The following FAM13A variants were observed in gnomAD, a reference collection of about 807,000 sequenced individuals.
FAM13A encodes protein FAM13A.
Under a neutral mutation model 129.6 loss-of-function variants are expected in FAM13A, and 76 were observed. That is an observed-to-expected ratio of 0.59 (90% CI 0.49 to 0.71). The LOEUF is 0.71. FAM13A is among the 30% of genes least tolerant of loss of function. The pLI, the probability that FAM13A is intolerant of heterozygous loss-of-function variation, is 0.00. For synonymous variants in FAM13A, 443 were observed against 449.9 expected (o/e 0.98, Z 0.20); for missense variants, 1,108 against 1,249.3 (o/e 0.89, Z 1.70).
chr4:88,736,699 G>C (rs1207784132), intron 21 of FAM13A: 2 of 151,968 alleles, frequency 1.3e-5, no homozygotes, highest in East Asian at 3.9e-4. Context: ...GGGCCAATTA[G>C]GGTCCCACAG....
At chr4:88,762,887 GTAAAT>G (rs1418983298) in intron 13 of FAM13A, among the ~76,000 whole-genome samples, 1 of 152,124 alleles carries the variant, frequency 6.6e-6, no homozygotes, top group African/African-American at 2.4e-5. Context: ...AAATCACAAA[GTAAAT>G]TAATTTCACA....
At chr4:88,902,307 A>C (rs1380416676) in intron 6 of FAM13A, among the ~76,000 whole-genome samples, 1 of 152,170 alleles carries the variant, frequency 6.6e-6, no homozygotes, top group African/African-American at 2.4e-5. Context: ...ACAACAAAAA[A>C]AGAAAACTTC....
At chr4:88,898,218 G>A (rs1341929758) in intron 6 of FAM13A, among the ~76,000 whole-genome samples, 1 of 152,030 alleles carries the variant, frequency 6.6e-6, no homozygotes, top group Non-Finnish European at 1.5e-5. Flanking sequence ...CAAAGTAGTC[G>A]ATACATATAC....
At chr4:88,759,701 T>C (rs1053130160) in intron 13 of FAM13A, among the ~76,000 whole-genome samples, 2 of 152,166 alleles carry the variant, frequency 1.3e-5, no homozygotes, top group Non-Finnish European at 2.9e-5. Flanking sequence ...CTACTATTCA[T>C]CTACTCTGAA....
At chr4:88,754,375 C>T (rs761639138) in intron 14 of FAM13A, among the ~76,000 whole-genome samples, 3 of 152,134 alleles carry the variant, frequency 2.0e-5, no homozygotes, top group Non-Finnish European at 4.4e-5. Flanking sequence ...CTCTGAGTAA[C>T]GCTAACATGG....
chr4:88,974,218 C>A (rs565786151), intron 4 of FAM13A, among the ~76,000 whole-genome samples: 2 of 152,222 alleles, frequency 1.3e-5, no homozygotes, highest in South Asian at 2.1e-4. Flanking sequence ...GAGCTTCCAG[C>A]AATTTGTCAA....
chr4:88,804,115 G>A lies in FAM13A; in HGVS notation c.1049+896C>T, dbSNP rs143113930. Among the ~76,000 whole-genome samples the A allele has an allele frequency of 2.6e-3, 402 of 152,084 alleles. 1 individual carries two copies. The highest frequency in any genetic ancestry group is 8.7e-3 in the African/African-American group (359 of 41,468). On this transcript the variant is annotated intron_variant, in intron 8 of 23. Transcript: ENST00000264344. ...CTAAAAATACAAAAATTAGCCGGGC[G>A]TGGTGGTGGGTGCCTGTAATCCCAG...
intron 22 of FAM13A, chr4:88,731,780 G>A: frequency 5.7e-6 from 3 of 529,342 alleles, no homozygotes; most frequent in Non-Finnish European, 9.9e-6. Flanking sequence ...TTTAGAGAGA[G>A]AACTTCTGGT....
intron 8 of FAM13A, among the ~76,000 whole-genome samples, chr4:88,791,246 TA>T (rs1027364489): frequency 1.3e-5 from 2 of 152,204 alleles, no homozygotes; most frequent in African/African-American, 4.8e-5. Flanking sequence ...ACATCTAATT[TA>T]CAATGTTTTT....
At chr4:88,962,841 A>G (rs1758809863) in intron 4 of FAM13A, among the ~76,000 whole-genome samples, 1 of 152,186 alleles carries the variant, frequency 6.6e-6, no homozygotes, top group Non-Finnish European at 1.5e-5. Context: ...AACATAAGGG[A>G]ATACTATGAC....
intron 7 of FAM13A, among the ~76,000 whole-genome samples, chr4:88,846,839 A>G (rs527604376): frequency 1.3e-5 from 2 of 152,340 alleles, no homozygotes; most frequent in African/African-American, 4.8e-5. Flanking sequence ...TTTTCCACAC[A>G]TGCACATTTA....
At chr4:88,744,519 T>C (rs1740891601) in intron 19 of FAM13A, among the ~76,000 whole-genome samples, 1 of 152,186 alleles carries the variant, frequency 6.6e-6, no homozygotes, top group Admixed American at 6.5e-5. Context: ...GCCTAAGATT[T>C]TAGTAGTTAG....
chr4:88,910,246 T>C (rs144175395), intron 5 of FAM13A, among the ~76,000 whole-genome samples: 2 of 152,236 alleles, frequency 1.3e-5, no homozygotes, highest in East Asian at 1.9e-4. Flanking sequence ...ACTGAACCAA[T>C]TGCTTACTTT....
At chr4:88,803,597 G>A (rs182428283) in intron 8 of FAM13A, among the ~76,000 whole-genome samples, 8 of 152,176 alleles carry the variant, frequency 5.3e-5, no homozygotes, top group Middle Eastern at 3.4e-3. Flanking sequence ...GACTCACTAC[G>A]TGCTCAGCAG....
chr4:89,053,714 C>A (rs1771883777), intron 1 of FAM13A, among the ~76,000 whole-genome samples: 1 of 152,080 alleles, frequency 6.6e-6, no homozygotes, highest in Admixed American at 6.6e-5. Flanking sequence ...CCAAGAGAAC[C>A]AATTCACAAA....
intron 23 of FAM13A, 145 bp from the exon 24 acceptor site, chr4:88,728,804 G>C: frequency 1.2e-6 from 1 of 832,028 alleles, no homozygotes; most frequent in Admixed American, 2.5e-5. Context: ...TTGGTCTCAA[G>C]ACTGGGGCTG....
At chr4:88,764,020 T>C (rs1745287620) in intron 13 of FAM13A, among the ~76,000 whole-genome samples, 1 of 152,220 alleles carries the variant, frequency 6.6e-6, no homozygotes, top group African/African-American at 2.4e-5. Context: ...CAGTCATCCA[T>C]TCTATAAATA....
At position 88,992,630 on chromosome 4, in the gene FAM13A, C is replaced by T. The variant is rs183449255; in HGVS notation, c.428-1480G>A. On this transcript the variant is annotated intron_variant, in intron 3 of 23. Transcript: ENST00000264344. ...AAAGACGAATAACCCAGCATACACC[C>T]CAAAATGTCTAACAATATATCAAAA... is the stretch of plus-strand genomic sequence containing the variant. 4.0e-3 allele frequency among the ~76,000 whole-genome samples: 612 copies of T among 152,142 alleles called. 3 individuals are homozygous for T. The highest frequency in any genetic ancestry group is 6.9e-3 in the Non-Finnish European group (466 of 68,018).
chr4:88,868,667 A>T (rs1426068192), intron 6 of FAM13A, among the ~76,000 whole-genome samples: 3 of 152,156 alleles, frequency 2.0e-5, no homozygotes, highest in African/African-American at 7.2e-5. Context: ...GACACACCGC[A>T]CCCTGTAAAC....
Sources: gnomAD v4.1 joint callset for allele counts (sites outside exome capture counted in the v4.1 genomes callset) on GRCh38, gnomAD v4.1.1 for gene constraint, MANE v1.5 for transcripts, NCBI Gene and HGNC (gene_info 2026-07-23, HGNC 2026-07-21) for gene names.